Variants in MTFR1 observed in about 807,000 individuals in gnomAD.
MTFR1 encodes mitochondrial fission regulator 1, also known as chondrocyte protein with a poly-proline region.
MTFR1 carries 28 observed loss-of-function variants against 38.8 expected under a neutral mutation model. The ratio of observed to expected loss-of-function variants is 0.72; its 90% CI spans 0.53 to 0.99. The LOEUF is 0.99. MTFR1 is among the 50% of genes least tolerant of loss of function. MTFR1 has a pLI of 0.00. For synonymous variants in MTFR1, 145 were observed against 137.0 expected, an observed-to-expected ratio of 1.06 and a Z score of -0.41; for missense variants, 358 against 395.5, an observed-to-expected ratio of 0.91 and a Z score of 0.81.
intron 3 of MTFR1, among the ~76,000 whole-genome samples, chr8:65,732,091 C>T (rs1236020264): frequency 6.6e-6 from 1 of 151,978 alleles, no homozygotes; most frequent in African/African-American, 2.4e-5. Context: ...CTCTGCCTCC[C>T]AGGTTCAAGG....
At position 65,737,406 on chromosome 8, in the gene MTFR1, T is replaced by C. The variant is rs150552779; in HGVS notation, c.*48+17925T>C. Among the ~76,000 whole-genome samples, 147 of 152,284 alleles carry C rather than the reference T, an allele frequency of 9.7e-4. 1 individual carries two copies. The highest frequency in any genetic ancestry group is 3.3e-3 in the African/African-American group (136 of 41,562). ...GGGGCTACTCACACTATATTAATTA[T>C]AAACTTGAGAATTTACTGCAAAATT... On this transcript the variant is annotated intron_variant, in intron 3 of 3. Coordinates refer to the MTFR1 transcript ENST00000521247.
chr8:65,648,867 G>T (rs890574437), intron 1 of MTFR1, among the ~76,000 whole-genome samples: 2 of 152,136 alleles, frequency 1.3e-5, no homozygotes, highest in African/African-American at 4.8e-5. Context: ...TTTGTTGCCA[G>T]GTTGGAGTGC....
intron 3 of MTFR1, chr8:65,725,672 T>C (rs991341464): frequency 1.3e-5 from 2 of 152,086 alleles, no homozygotes; most frequent in Non-Finnish European, 1.5e-5. Flanking sequence ...AGCTGTCAAA[T>C]AGATAAAAAG....
chr8:65,664,152 A>G (rs1585753354), intron 1 of MTFR1, among the ~76,000 whole-genome samples: 2 of 152,120 alleles, frequency 1.3e-5, no homozygotes, highest in Admixed American at 6.5e-5. Flanking sequence ...TATATATCCT[A>G]TGATCTAACA....
At chr8:65,689,387 GA>G (rs1805202281) in intron 3 of MTFR1, among the ~76,000 whole-genome samples, 1 of 152,186 alleles carries the variant, frequency 6.6e-6, no homozygotes, top group Middle Eastern at 3.4e-3. Flanking sequence ...TAAATGAACT[GA>G]TTTTTTTGGT....
chr8:65,690,748 A>G (rs1377645819), intron 3 of MTFR1, among the ~76,000 whole-genome samples: 2 of 152,204 alleles, frequency 1.3e-5, no homozygotes, highest in Non-Finnish European at 2.9e-5. Flanking sequence ...ACAAAGGGTC[A>G]TGATCAGATT....
rs552808882 is a variant in MTFR1, at chr8:65,757,262, G to A, written c.*49-13685G>A. The stretch of plus-strand genomic sequence containing the variant: ...TGTTTTTCTTGAGGCCTGCTCCTGA[G>A]GCCTGACACACTCAACATTACAACA... On this transcript the variant is annotated intron_variant, in intron 3 of 3. Coordinates refer to the MTFR1 transcript ENST00000521247. Among the ~76,000 whole-genome samples the A allele has an allele frequency of 9.2e-5, 14 of 152,218 alleles. No individual in the cohort carries two copies. In the South Asian group the frequency reaches 2.9e-3, roughly 32 times the overall value.
chr8:65,668,756 C>T (rs939764763), intron 1 of MTFR1, among the ~76,000 whole-genome samples: 3 of 152,030 alleles, frequency 2.0e-5, no homozygotes, highest in South Asian at 2.1e-4. Flanking sequence ...TCAAGCAATC[C>T]GCCTCCCTTG....
At chr8:65,741,418 T>A (rs1807430817) in intron 3 of MTFR1, among the ~76,000 whole-genome samples, 1 of 152,200 alleles carries the variant, frequency 6.6e-6, no homozygotes, top group African/African-American at 2.4e-5. Context: ...AACCTTGTTA[T>A]CTAAAACTGC....
rs572196375 is a variant in MTFR1 at position 65,696,984 on chromosome 8, C to CTTT, written c.281+3241_281+3243dup. Among the ~76,000 whole-genome samples the CTTT allele has an allele frequency of 2.9e-4, 32 of 111,232 alleles. 1 individual carries two copies. Among genetic ancestry groups the CTTT allele is most frequent in the African/African-American group, 8.4e-4 (25 of 29,650 alleles). 73.0% of individuals were successfully genotyped at this position (111,232 alleles called of 152,430 possible). A position where few individuals can be genotyped will look rare whatever the true frequency, so the allele number is the denominator to read the frequency against. Reference sequence around the variant, plus strand: ...CCAATATGTAACCTTTTGGGACTGGCTTTTTTTTTTTTTTTTTTGAGACAG... The same window carrying CTTT: ...CCAATATGTAACCTTTTGGGACTGGCTTTTTTTTTTTTTTTTTTTTTGAGACAG... On this transcript the variant is annotated intron_variant, in intron 4 of 7. Coordinates refer to ENST00000262146, the MANE Select transcript of MTFR1 (RefSeq NM_014637.4).
chr8:65,678,627 G>A (rs997721724), intron 2 of MTFR1, among the ~76,000 whole-genome samples: 3 of 152,098 alleles, frequency 2.0e-5, no homozygotes, highest in Non-Finnish European at 2.9e-5. Context: ...TCGGCTGGGC[G>A]TTGTGGCTCA....
intron 3 of MTFR1, chr8:65,739,670 A>T: frequency 7.7e-7 from 1 of 1,291,794 alleles, no homozygotes; most frequent in Non-Finnish European, 1.0e-6. Flanking sequence ...TTTGAAATAC[A>T]GATTTTGAAT....
At chr8:65,728,564 A>C (rs1405555772) in intron 3 of MTFR1, 2 of 152,234 alleles carry the variant, frequency 1.3e-5, no homozygotes, top group Non-Finnish European at 2.9e-5. Flanking sequence ...CCTCTTTAGG[A>C]TATACAAAAG....
At position 65,769,577 on chromosome 8, in the gene MTFR1, G is replaced by A. The variant is rs115285404; in HGVS notation, c.*49-1370G>A. Among the ~76,000 whole-genome samples the A allele has an allele frequency of 5.6e-3, 857 of 152,190 alleles. 9 individuals carry two copies. The highest frequency in any genetic ancestry group is 0.019 in the African/African-American group (804 of 41,510). ...GCTCTTTATAAATAACTACAGAACT[G>A]GCCTAAATTTCAGTTAATTAACAAA... On this transcript the variant is annotated intron_variant, in intron 3 of 3. Transcript: ENST00000521247.
intron 3 of MTFR1, among the ~76,000 whole-genome samples, chr8:65,732,068 G>A (rs999203174): frequency 1.3e-5 from 2 of 151,806 alleles, no homozygotes; most frequent in African/African-American, 2.4e-5. Flanking sequence ...GCATGATCTC[G>A]GTTCACTGGA....
intron 2 of MTFR1, among the ~76,000 whole-genome samples, chr8:65,680,605 C>A (rs1046009421): frequency 1.3e-4 from 20 of 152,080 alleles, no homozygotes; most frequent in African/African-American, 4.8e-4. Context: ...GGTTTTGGAG[C>A]CTCCACTGTT....
In MTFR1 at chr8:65,705,343, CA is replaced by C. The variant is rs1270633069; in HGVS notation, c.517+421del. Reference sequence around the variant, plus strand: ...TTCTCAAAACTAAACAAAAAACAAACAAAAAAACCAGGTGTCAGTCCTTTTT... The same window carrying C: ...TTCTCAAAACTAAACAAAAAACAAACAAAAAACCAGGTGTCAGTCCTTTTT... On this transcript the variant is annotated intron_variant, in intron 5 of 7. Transcript: ENST00000262146. Among the ~76,000 whole-genome samples, 4 of 151,946 alleles carry C rather than the reference CA, an allele frequency of 2.6e-5. 1 individual carries two copies. The highest frequency in any genetic ancestry group is 4.2e-4 in the South Asian group (2 of 4,810).
intron 7 of MTFR1, 58 bp from the exon 8 acceptor site, chr8:65,708,918 C>T (rs77153743): frequency 0.055 from 83,047 of 1,512,596 alleles, 2,668 homozygotes; most frequent in Non-Finnish European, 0.063. Context: ...GAGGTGGGGG[C>T]GTATCGTTAC....
At chr8:65,711,768 T>TATTA (rs1300674534), downstream of MTFR1, among the ~76,000 whole-genome samples, 5 of 152,136 alleles carry the variant, frequency 3.3e-5, no homozygotes. Flanking sequence ...CTTCCAAGAC[T>TATTA]ATTATTATCC....
Sources: gnomAD v4.1 joint callset for allele counts (sites outside exome capture counted in the v4.1 genomes callset) on GRCh38, gnomAD v4.1.1 for gene constraint, MANE v1.5 for transcripts, NCBI Gene and HGNC (gene_info 2026-07-23, HGNC 2026-07-21) for gene names.